The following UST variants were observed in gnomAD, a reference collection of about 807,000 sequenced individuals.
UST encodes chondroitin sulfate 2-O-sulfotransferase.
A neutral mutation model predicts 45.6 loss-of-function variants in UST; 21 were observed. The observed-to-expected ratio is 0.46, with a 90% CI of 0.33 to 0.66. The LOEUF (loss-of-function observed/expected upper bound fraction) is 0.66. Among genes scored for constraint, UST ranks in the 30% least tolerant of loss-of-function variants. The pLI is 0.02. For synonymous variants in UST, 215 were observed against 200.6 expected, an observed-to-expected ratio of 1.07 and a Z score of -0.61; for missense variants, 463 against 512.4, an observed-to-expected ratio of 0.90 and a Z score of 0.93.
At chr6:149,008,222 A>T (rs577866280) in intron 5 of UST, among the ~76,000 whole-genome samples, 2 of 152,364 alleles carry the variant, frequency 1.3e-5, no homozygotes, top group East Asian at 1.9e-4. Context: ...ACATTTTAAC[A>T]TGTGAAAATG....
Position 149,048,551 on chromosome 6 carries a change from G to T in UST, c.938-25282G>T, listed in dbSNP as rs537795154. On this transcript the variant is annotated intron_variant, in intron 7 of 7. Transcript: ENST00000367463. ...ACTGTCTCCAAAAAAAAAAAAAAGA[G>T]AGAGAGAGACACAGTAAAGAATAAA... is the stretch of plus-strand genomic sequence containing the variant. Among the ~76,000 whole-genome samples, 25 of 150,144 alleles carry T rather than the reference G, an allele frequency of 1.7e-4. No homozygotes were observed. In the South Asian group the frequency reaches 5.3e-3, roughly 32 times the overall value.
At chr6:148,762,712 C>T (rs1437568666) in intron 1 of UST, among the ~76,000 whole-genome samples, 4 of 152,048 alleles carry the variant, frequency 2.6e-5, no homozygotes, top group African/African-American at 4.8e-5. Flanking sequence ...TTTTGAGAGT[C>T]CCCATTGTCT....
At chr6:148,810,346 A>G (rs978562404) in intron 1 of UST, among the ~76,000 whole-genome samples, 2 of 152,192 alleles carry the variant, frequency 1.3e-5, no homozygotes, top group African/African-American at 4.8e-5. Context: ...TCAACACTTC[A>G]TTATATGGTT....
intron 5 of UST, among the ~76,000 whole-genome samples, chr6:148,998,766 A>T (rs1394841925): frequency 1.3e-5 from 2 of 152,246 alleles, no homozygotes; most frequent in Non-Finnish European, 2.9e-5. Context: ...CATTGACTGT[A>T]TGCTTCAGAA....
chr6:149,038,459 G>C (rs1776266518), intron 7 of UST, among the ~76,000 whole-genome samples: 1 of 151,658 alleles, frequency 6.6e-6, no homozygotes, highest in Admixed American at 6.6e-5. Flanking sequence ...TCACAAGCCA[G>C]GGAGCACCAA....
chr6:148,914,923 A>G (rs1298015697), intron 2 of UST, among the ~76,000 whole-genome samples: 2 of 152,066 alleles, frequency 1.3e-5, no homozygotes. Context: ...ACAGAAAGTT[A>G]TTTCTCACAG....
intron 1 of UST, among the ~76,000 whole-genome samples, chr6:148,851,853 G>C (rs1778112773): frequency 6.6e-6 from 1 of 152,220 alleles, no homozygotes; most frequent in African/African-American, 2.4e-5. Flanking sequence ...AACTTAGAGG[G>C]CAAGTGCCGA....
At position 148,885,033 on chromosome 6, in the gene UST, G is replaced by A. The variant is rs183341681; in HGVS notation, c.248-1953G>A. On this transcript the variant is annotated intron_variant, in intron 1 of 7. Transcript: ENST00000367463. ...AAATAGGGTTCTGTTTTGGACAGGG[G>A]AAGTGTGAGATGCCTTTAGACATCC... Among the ~76,000 whole-genome samples the A allele has an allele frequency of 2.6e-5, 4 of 152,162 alleles. No individual in the cohort carries two copies. The South Asian group carries it at 8.3e-4, about 32-fold the overall frequency.
chr6:148,927,680 A>G (rs1779842562), intron 2 of UST, among the ~76,000 whole-genome samples: 1 of 152,214 alleles, frequency 6.6e-6, no homozygotes, highest in Non-Finnish European at 1.5e-5. Context: ...TGAGAAAGAT[A>G]GAAGACATTG....
chr6:148,759,826 C>A lies in UST; in HGVS notation c.247+12149C>A, dbSNP rs112040391. 3.3e-5 allele frequency among the ~76,000 whole-genome samples: 4 copies of A among 121,786 alleles called. No homozygotes were observed. In the Admixed American group the frequency reaches 4.5e-4, roughly 14 times the overall value. 79.9% of individuals were successfully genotyped at this position (121,786 alleles called of 152,430 possible). ...TCGCACCACTGTACTCCAGCCTGGG[C>A]GACAGAGCGAGACTCTGTCTCAAAA... On this transcript the variant is annotated intron_variant, in intron 1 of 7. Transcript: ENST00000367463.
At chr6:148,893,094 T>C (rs1779051156) in intron 2 of UST, among the ~76,000 whole-genome samples, 1 of 152,210 alleles carries the variant, frequency 6.6e-6, no homozygotes. Flanking sequence ...GTGGGTCCAA[T>C]GGATGCTAAT....
In UST at chr6:149,075,167, A is replaced by G. The variant is rs1582988236; in HGVS notation, c.*1051A>G. The G allele has an allele frequency of 6.6e-6, 1 of 152,228 alleles. No homozygotes were observed. The highest frequency in any genetic ancestry group is 1.9e-4 in the East Asian group (1 of 5,198). 9.4% of individuals were successfully genotyped at this position (152,228 alleles called of 1,614,324 possible). A position where few individuals can be genotyped will look rare whatever the true frequency, so the allele number is the denominator to read the frequency against. ...TTCTAGGAACCAATTTAGCTCAGGCATTTGACTCCTACAGCAGAAGTTCTG... is the reference window on the plus strand; with the variant it reads ...TTCTAGGAACCAATTTAGCTCAGGCGTTTGACTCCTACAGCAGAAGTTCTG... On this transcript the variant is annotated 3_prime_UTR_variant, in exon 8 of 8. Coordinates refer to ENST00000367463, the MANE Select transcript of UST (RefSeq NM_005715.3).
At chr6:148,818,822 G>C (rs17087769) in intron 1 of UST, among the ~76,000 whole-genome samples, 1,879 of 152,286 alleles carry the variant, frequency 0.012, 27 homozygotes, top group African/African-American at 0.044. Flanking sequence ...CTGTGTTTTT[G>C]TGTCTGAACT....
intron 5 of UST, among the ~76,000 whole-genome samples, chr6:149,014,667 G>A (rs370875666): frequency 1.3e-5 from 2 of 152,200 alleles, no homozygotes; most frequent in East Asian, 3.8e-4. Context: ...AGAAACCTGG[G>A]CCTGCTATTG....
intron 5 of UST, among the ~76,000 whole-genome samples, chr6:148,967,278 A>G (rs1330276943): frequency 6.6e-6 from 1 of 151,038 alleles, no homozygotes; most frequent in Non-Finnish European, 1.5e-5. Context: ...GCAAGGCCCC[A>G]GCAGGAAAGC....
At chr6:148,966,719 T>C (rs57924068) in intron 5 of UST, among the ~76,000 whole-genome samples, 7,256 of 152,272 alleles carry the variant, frequency 0.048, 516 homozygotes, top group African/African-American at 0.15. Context: ...AAATTATGGT[T>C]TGGAGTTTCC....
intron 1 of UST, among the ~76,000 whole-genome samples, chr6:148,783,367 A>G (rs1355467989): frequency 6.6e-6 from 1 of 152,166 alleles, no homozygotes. Flanking sequence ...TGGCACACAT[A>G]TACACAAATA....
chr6:148,947,808 A>G (rs1303375134), intron 3 of UST, among the ~76,000 whole-genome samples: 3 of 151,976 alleles, frequency 2.0e-5, no homozygotes, highest in African/African-American at 7.2e-5. Context: ...AGTCAAACCA[A>G]AGAGAGGAGC....
intron 5 of UST, among the ~76,000 whole-genome samples, chr6:148,998,451 C>T (rs750812537): frequency 8.4e-4 from 128 of 152,312 alleles, no homozygotes; most frequent in African/African-American, 3.1e-3. Flanking sequence ...CTCTGGCCTA[C>T]GTTTTATAAA....
Sources: allele counts gnomAD v4.1 joint callset (sites outside exome capture counted in the v4.1 genomes callset), GRCh38; gene constraint gnomAD v4.1.1; transcripts MANE v1.5; gene names NCBI Gene and HGNC (gene_info 2026-07-23, HGNC 2026-07-21).